Variants in CA5A observed in about 807,000 individuals in gnomAD.
CA5A encodes carbonic anhydrase 5A, mitochondrial.
A neutral mutation model predicts 37.1 loss-of-function variants in CA5A; 28 were observed. That is an observed-to-expected ratio of 0.75 (90% CI 0.56 to 1.03). The LOEUF (loss-of-function observed/expected upper bound fraction) is 1.03. Ranked by LOEUF, CA5A falls within the 50% of genes least tolerant of loss-of-function variation. The pLI is 0.00. For missense variants in CA5A, 444 were observed against 399.9 expected (o/e 1.11, Z -0.94); for synonymous variants, 171 against 158.4 (o/e 1.08, Z -0.60).
At chr16:87,902,758 A>G (rs924753839) in intron 3 of CA5A, among the ~76,000 whole-genome samples, 4 of 151,544 alleles carry the variant, frequency 2.6e-5, no homozygotes, top group Non-Finnish European at 5.9e-5. Context: ...TACAAAAAAA[A>G]AAAATTAGCT....
chr16:87,892,908 G>A (rs2055744550), intron 5 of CA5A: 2 of 520,598 alleles, frequency 3.8e-6, no homozygotes, highest in Non-Finnish European at 6.7e-6. Flanking sequence ...CACCCGCCTT[G>A]GCCTCCCAAA....
At chr16:87,924,893 G>A (rs1386938040) in intron 2 of CA5A, among the ~76,000 whole-genome samples, 2 of 152,184 alleles carry the variant, frequency 1.3e-5, no homozygotes, top group African/African-American at 4.8e-5. Flanking sequence ...GTGCCGGCCT[G>A]GGGTGGCCTC....
At position 87,917,655 on chromosome 16, in the gene CA5A, G is replaced by A. The variant is rs1010241660; in HGVS notation, c.340+9093C>T. ...CATGTGCGCACACACATGAACACAC[G>A]TGCACATAGAGACACATGCACACAG... On this transcript the variant is annotated intron_variant, in intron 2 of 6. Transcript: ENST00000649794. Among the ~76,000 whole-genome samples, 67 of 123,236 alleles carry A rather than the reference G, an allele frequency of 5.4e-4. 2 individuals carry two copies. The highest frequency in any genetic ancestry group is 8.3e-4 in the South Asian group (3 of 3,604). The allele number at this position is 123,236 out of a possible 152,430, so 80.8% of individuals were successfully genotyped here. A position where few individuals can be genotyped will look rare whatever the true frequency, so the allele number is the denominator to read the frequency against.
intron 2 of CA5A, among the ~76,000 whole-genome samples, chr16:87,914,714 G>A (rs1348972427): frequency 3.9e-5 from 6 of 152,040 alleles, no homozygotes; most frequent in East Asian, 1.9e-4. Context: ...GGGGGCGGGC[G>A]CAGGGCGGGA....
chr16:87,892,891 G>A (rs1354227430), intron 5 of CA5A: 1 of 451,842 alleles, frequency 2.2e-6, no homozygotes, highest in African/African-American at 2.1e-5. Flanking sequence ...CCTGACCTCG[G>A]ATGATCCACC....
At chr16:87,907,940 C>G (rs1266899982) in intron 2 of CA5A, among the ~76,000 whole-genome samples, 2 of 152,140 alleles carry the variant, frequency 1.3e-5, no homozygotes, top group African/African-American at 2.4e-5. Context: ...AACAAACAAA[C>G]AAACAAACAA....
chr16:87,915,525 A>ATTTTTTT (rs1162468866), intron 2 of CA5A, among the ~76,000 whole-genome samples: 2 of 107,128 alleles, frequency 1.9e-5, no homozygotes, highest in African/African-American at 3.4e-5. Flanking sequence ...CCTGTGTCAA[A>ATTTTTTT]ATTTTTTTTT....
At chr16:87,897,145 C>A (rs564436187) in intron 5 of CA5A, among the ~76,000 whole-genome samples, 1 of 152,242 alleles carries the variant, frequency 6.6e-6, no homozygotes, top group Non-Finnish European at 1.5e-5. Flanking sequence ...GCTGCCAAAG[C>A]TAGAAGAGCC....
intron 5 of CA5A, among the ~76,000 whole-genome samples, chr16:87,897,288 G>A (rs930422041): frequency 2.0e-5 from 3 of 152,276 alleles, no homozygotes; most frequent in Non-Finnish European, 2.9e-5. Flanking sequence ...AGCAGCCTGA[G>A]GAGCTTGCGG....
intron 2 of CA5A, among the ~76,000 whole-genome samples, chr16:87,915,261 A>G (rs1382963100): frequency 6.6e-6 from 1 of 152,232 alleles, no homozygotes. Context: ...CAGAGTCACG[A>G]AATTTCTATC....
At chr16:87,920,768 G>A (rs1341901732) in intron 2 of CA5A, among the ~76,000 whole-genome samples, 6 of 151,792 alleles carry the variant, frequency 4.0e-5, no homozygotes, top group Non-Finnish European at 2.9e-5. Context: ...ACAGGTGCTT[G>A]CCACCATGCC....
intron 5 of CA5A, among the ~76,000 whole-genome samples, chr16:87,895,357 C>A (rs200344394): frequency 2.6e-5 from 4 of 152,196 alleles, no homozygotes; most frequent in Non-Finnish European, 5.9e-5. Flanking sequence ...ACCAGCCTGA[C>A]CAACATGGCG....
chr16:87,893,616 T>C (rs55870502), intron 5 of CA5A: 108,465 of 688,420 alleles, frequency 0.16, 11,668 homozygotes, highest in African/African-American at 0.31. Context: ...CTGACAGACA[T>C]ACCTACAGAC....
intron 2 of CA5A, among the ~76,000 whole-genome samples, chr16:87,909,305 C>G (rs1195335666): frequency 2.0e-5 from 3 of 152,188 alleles, no homozygotes; most frequent in Non-Finnish European, 4.4e-5. Context: ...ACGCCTGTAC[C>G]TGAACAAGGG....
chr16:87,901,163 G>C (rs1210015166), intron 5 of CA5A, among the ~76,000 whole-genome samples: 4 of 152,194 alleles, frequency 2.6e-5, no homozygotes, highest in African/African-American at 9.6e-5. Flanking sequence ...CCGGGAGGCG[G>C]AGGTTGCAGT....
chr16:87,914,104 G>A (rs892068283), intron 2 of CA5A, among the ~76,000 whole-genome samples: 1 of 152,268 alleles, frequency 6.6e-6, no homozygotes, highest in East Asian at 1.9e-4. Context: ...ACCTGGCACA[G>A]TCAGTGTTTG....
intron 6 of CA5A, among the ~76,000 whole-genome samples, chr16:87,890,412 A>C (rs1253098206): frequency 6.6e-6 from 1 of 152,152 alleles, no homozygotes; most frequent in African/African-American, 2.4e-5. Flanking sequence ...CGGGAGACTG[A>C]AAGACCCTCT....
chr16:87,917,492 G>T (rs189356749), intron 2 of CA5A, among the ~76,000 whole-genome samples: 4 of 152,224 alleles, frequency 2.6e-5, no homozygotes, highest in African/African-American at 9.7e-5. Context: ...AGAGAGAGGG[G>T]ACACTGACTT....
chr16:87,892,734 T>C lies in CA5A; in HGVS notation c.619-780A>G, dbSNP rs1481508338. Among the ~76,000 whole-genome samples, 29 of 146,984 alleles carry C rather than the reference T, an allele frequency of 2.0e-4. No individual in the cohort carries two copies. In the Admixed American group the frequency reaches 2.0e-3, roughly 10 times the overall value. On this transcript the variant is annotated intron_variant, in intron 5 of 6. Coordinates refer to ENST00000649794, the MANE Select transcript of CA5A (RefSeq NM_001739.2). ...TGTTGCCCAGGCTGGAGTGCAATGG[T>C]GTGATCTTGGCTCACCGCAACCTCT...
Sources: gnomAD v4.1 joint callset for allele counts (sites outside exome capture counted in the v4.1 genomes callset) on GRCh38, gnomAD v4.1.1 for gene constraint, MANE v1.5 for transcripts, NCBI Gene and HGNC (gene_info 2026-07-23, HGNC 2026-07-21) for gene names.